The following OR51B5 variants were observed in gnomAD, a reference collection of about 807,000 sequenced individuals.
OR51B5 encodes the protein olfactory receptor family 51 subfamily B member 5.
For missense variants in OR51B5, 456 were observed against 374.6 expected (o/e 1.22, Z -1.79); for synonymous variants, 186 against 144.8 (o/e 1.28, Z -2.04).
chr11:5,489,163 T>C (rs910619743), intron 1 of OR51B5: 2 of 1,613,854 alleles, frequency 1.2e-6, no homozygotes, highest in Non-Finnish European at 1.7e-6. Flanking sequence ...TGTTGGGCTA[T>C]TCCGTAGTGT....
intron 1 of OR51B5, chr11:5,384,058 T>G (rs1199216092): frequency 1.3e-5 from 2 of 152,204 alleles, no homozygotes; most frequent in African/African-American, 4.8e-5. Flanking sequence ...ATGGTCTCAG[T>G]TACAATTAAG....
Position 5,352,596 on chromosome 11 carries a change from A to G in OR51B5, n.85-5686T>C, listed in dbSNP as rs117053314. The G allele has an allele frequency of 3.7e-4, 223 of 607,552 alleles. No homozygotes were observed. The East Asian group carries it at 5.6e-3, about 15-fold the overall frequency. 37.6% of individuals were successfully genotyped at this position (607,552 alleles called of 1,614,324 possible). On this transcript the variant is annotated intron_variant and non_coding_transcript_variant, in intron 1 of 4. Transcript: ENST00000415970. The stretch of plus-strand genomic sequence containing the variant: ...AAATCAGTCAATCCCTCTGCTACTT[A>G]GAACATTATTTTACCCTGCCTGTCT...
At chr11:5,462,346 A>G (rs1466408290) in intron 1 of OR51B5, among the ~76,000 whole-genome samples, 2 of 152,184 alleles carry the variant, frequency 1.3e-5, no homozygotes, top group Non-Finnish European at 2.9e-5. Context: ...AGTTTTATGG[A>G]ATTAATTTCT....
intron 1 of OR51B5, among the ~76,000 whole-genome samples, chr11:5,434,116 C>T (rs1850564879): frequency 6.6e-6 from 1 of 152,202 alleles, no homozygotes; most frequent in Non-Finnish European, 1.5e-5. Context: ...GCTCAGGTAA[C>T]ACCCCATACC....
intron 1 of OR51B5, chr11:5,362,730 A>T (rs1849303930): frequency 4.4e-6 from 1 of 225,028 alleles, no homozygotes; most frequent in Non-Finnish European, 9.2e-6. Context: ...TTCTTTGTTT[A>T]CGAGGTCACC....
chr11:5,456,661 G>A (rs1015442637), intron 1 of OR51B5: 3 of 152,108 alleles, frequency 2.0e-5, no homozygotes, highest in Non-Finnish European at 4.4e-5. Flanking sequence ...TTTGTTACAT[G>A]AGTAAATTGC....
chr11:5,451,956 A>T (rs2133785227), intron 1 of OR51B5, among the ~76,000 whole-genome samples: 1 of 152,352 alleles, frequency 6.6e-6, no homozygotes, highest in South Asian at 2.1e-4. Flanking sequence ...TGTGACAGAG[A>T]AATGGCTGTA....
intron 1 of OR51B5, among the ~76,000 whole-genome samples, chr11:5,368,720 A>C (rs12360876): frequency 0.19 from 29,146 of 152,162 alleles, 3,042 homozygotes; most frequent in East Asian, 0.38. Flanking sequence ...TGAGGTTTCT[A>C]AACATTGAGT....
intron 1 of OR51B5, among the ~76,000 whole-genome samples, chr11:5,498,710 C>T (rs1205637863): frequency 1.3e-5 from 2 of 152,022 alleles, no homozygotes; most frequent in East Asian, 1.9e-4. Context: ...TCTTAAGATA[C>T]ACCATGCATG....
intron 1 of OR51B5, among the ~76,000 whole-genome samples, chr11:5,443,055 G>T (rs761065459): frequency 2.5e-4 from 38 of 151,434 alleles, no homozygotes; most frequent in Non-Finnish European, 4.4e-5. Flanking sequence ...ATAAACAATA[G>T]TCAGAATGAT....
intron 1 of OR51B5, among the ~76,000 whole-genome samples, chr11:5,462,749 T>C (rs567356881): frequency 1.3e-5 from 2 of 152,224 alleles, no homozygotes; most frequent in Non-Finnish European, 2.9e-5. Context: ...CCTCTGTTGT[T>C]TAATTTCATT....
chr11:5,351,503 T>C (rs1295303586), intron 1 of OR51B5: 5 of 1,601,566 alleles, frequency 3.1e-6, no homozygotes, highest in African/African-American at 2.7e-5. Flanking sequence ...TTTGCAAAGC[T>C]GGCAATGGGG....
chr11:5,347,714 C>T (rs1054661371), upstream of OR51B5, among the ~76,000 whole-genome samples: 4 of 151,908 alleles, frequency 2.6e-5, no homozygotes, highest in East Asian at 1.9e-4. Context: ...GTTCAAAGCC[C>T]AATACCCACA....
At chr11:5,458,661 A>C (rs1603776) in intron 1 of OR51B5, among the ~76,000 whole-genome samples, 39,922 of 152,098 alleles carry the variant, frequency 0.26, 6,612 homozygotes, top group Non-Finnish European at 0.36. Flanking sequence ...CTCATTGTAG[A>C]GATCATTCAC....
chr11:5,343,084 C>T (rs766627260), exon 1 of OR51B5: 20 of 1,613,112 alleles, frequency 1.2e-5, no homozygotes, highest in Non-Finnish European at 1.6e-5. Flanking sequence ...ATCCCCTCAT[C>T]AGAACTCCCA....
At chr11:5,505,532 G>A in intron 1 of OR51B5, 1 of 1,175,232 alleles carries the variant, frequency 8.5e-7, no homozygotes, top group Middle Eastern at 2.4e-4. Context: ...ACCCGAGACT[G>A]GGCAATTTAT....
chr11:5,376,755 A>T (rs1849535089), intron 1 of OR51B5, among the ~76,000 whole-genome samples: 2 of 151,870 alleles, frequency 1.3e-5, no homozygotes, highest in South Asian at 4.2e-4. Flanking sequence ...CCAAGACTAA[A>T]CCAGGAAGAA....
intron 1 of OR51B5, among the ~76,000 whole-genome samples, chr11:5,435,669 T>C (rs1426148461): frequency 7.0e-6 from 1 of 142,232 alleles, no homozygotes; most frequent in African/African-American, 2.5e-5. Flanking sequence ...CTGTCCTAAA[T>C]CCCTTTAGCT....
chr11:5,359,178 A>T (rs1849241568), intron 1 of OR51B5, among the ~76,000 whole-genome samples: 1 of 151,884 alleles, frequency 6.6e-6, no homozygotes, highest in Non-Finnish European at 1.5e-5. Context: ...AAAGGTATTC[A>T]ATTAGGAAAA....
Sources: gnomAD v4.1 joint callset for allele counts (sites outside exome capture counted in the v4.1 genomes callset) on GRCh38, gnomAD v4.1.1 for gene constraint, MANE v1.5 for transcripts, NCBI Gene and HGNC (gene_info 2026-07-23, HGNC 2026-07-21) for gene names.